P2RY12: variants seen among roughly 807,000 people sequenced by gnomAD.
P2RY12 encodes the protein purinergic receptor P2Y12, also known as P2Y purinoceptor 12.
In P2RY12, 3 loss-of-function variants were observed where a neutral mutation model predicts 4.5. The ratio of observed to expected loss-of-function variants is 0.67; its 90% confidence interval spans 0.31 to 1.74. The LOEUF (loss-of-function observed/expected upper bound fraction) is 1.74, where lower values mean the gene tolerates loss of function less well. Ranked by LOEUF, P2RY12 falls within the 40% of genes most tolerant of loss-of-function variation. P2RY12 has a pLI of 0.09. For synonymous variants in P2RY12, 148 were observed against 154.1 expected (o/e 0.96, Z 0.29); for missense variants, 356 against 407.8 (o/e 0.87, Z 1.09).
chr3:151,354,111 A>T (rs1335520420), intron 1 of P2RY12, among the ~76,000 whole-genome samples: 1 of 126,148 alleles, frequency 7.9e-6, no homozygotes, highest in Non-Finnish European at 1.6e-5. Context: ...ACTGCACTCC[A>T]GCCTGGGCGA....
At position 151,338,321 on chromosome 3, in the gene P2RY12, G is replaced by A; in HGVS notation, c.525C>T (p.Cys175=). The change falls in exon 3 of 3, where the codon TGC becomes TGT. Residue 175 remains cysteine, a synonymous_variant. Transcript: ENST00000302632. ...GACCGAACTCTGATTTAAGGAAAGAGCATTTCTTCACATTCTTGTCTCTCG... is the reference window on the plus strand; with the variant it reads ...GACCGAACTCTGATTTAAGGAAAGAACATTTCTTCACATTCTTGTCTCTCG... ...RQPRDKNVKK[C]SFLKSEFGLV... 6.2e-7 allele frequency: 1 copy of A among 1,614,106 alleles called. No homozygotes were observed. The highest frequency in any genetic ancestry group is 8.5e-7 in the Non-Finnish European group (1 of 1,180,002).
chr3:151,343,075 C>T (rs1752076163), intron 1 of P2RY12, among the ~76,000 whole-genome samples: 1 of 152,232 alleles, frequency 6.6e-6, no homozygotes, highest in Non-Finnish European at 1.5e-5. Flanking sequence ...ACCCTCTCCT[C>T]AACCCCTCTC....
intron 1 of P2RY12, among the ~76,000 whole-genome samples, chr3:151,381,268 A>T (rs1712290553): frequency 6.6e-6 from 1 of 152,150 alleles, no homozygotes; most frequent in Admixed American, 6.5e-5. Flanking sequence ...ACTTAATCTT[A>T]TTTGATCCTC....
intron 1 of P2RY12, among the ~76,000 whole-genome samples, chr3:151,353,706 G>A (rs1408653217): frequency 6.6e-6 from 1 of 152,188 alleles, no homozygotes; most frequent in Non-Finnish European, 1.5e-5. Context: ...ATATTTTTGA[G>A]TTCAGTGAAA....
In P2RY12 at chr3:151,380,310, A is replaced by G. The variant is rs575167765; in HGVS notation, c.-180+4382T>C. 5.4e-6 allele frequency: 5 copies of G among 920,720 alleles called. No homozygotes were observed. The East Asian group carries it at 1.2e-4, about 21-fold the overall frequency. The allele number at this position is 920,720 out of a possible 1,614,324, so 57.0% of individuals were successfully genotyped here. On this transcript the variant is annotated intron_variant, in intron 1 of 2. Transcript: ENST00000302632. Reference sequence around the variant, plus strand: ...CCTTTCAAATACTGAGATTAAATTAATAAGGGCCAGGTGTGGTGGCTCATG... The same window carrying G: ...CCTTTCAAATACTGAGATTAAATTAGTAAGGGCCAGGTGTGGTGGCTCATG...
chr3:151,365,301 C>T (rs1014575220), intron 1 of P2RY12: 53 of 1,001,806 alleles, frequency 5.3e-5, no homozygotes, highest in Non-Finnish European at 7.3e-5. Context: ...TCTGGACTCA[C>T]ATTTGGCTAT....
chr3:151,344,686 CT>C (rs1431622495), intron 1 of P2RY12, among the ~76,000 whole-genome samples: 1 of 152,118 alleles, frequency 6.6e-6, no homozygotes, highest in Non-Finnish European at 1.5e-5. Context: ...CATATTTTGT[CT>C]TATCAGAAGG....
At chr3:151,380,519 C>A (rs1210126645) in intron 1 of P2RY12, among the ~76,000 whole-genome samples, 4 of 150,662 alleles carry the variant, frequency 2.7e-5, no homozygotes, top group Non-Finnish European at 5.9e-5. Flanking sequence ...ATTGCTTGAA[C>A]CTGGGAGGCA....
At chr3:151,368,163 G>A (rs35291743) in intron 1 of P2RY12, 7 of 1,613,794 alleles carry the variant, frequency 4.3e-6, no homozygotes, top group Admixed American at 1.7e-5. Context: ...GTGGGGATGC[G>A]GACGCCGAGC....
chr3:151,337,664 A>G lies in P2RY12; in HGVS notation c.*153T>C, dbSNP rs1751192011. On this transcript the variant is annotated 3_prime_UTR_variant, in exon 3 of 3. Transcript: ENST00000302632. ...TTTAAGATAGCTTTTCATACTGGAA[A>G]GGTAAATGAAAATTGCTTTTGTAAT... The G allele has an allele frequency of 1.4e-6, 1 of 718,178 alleles. No homozygotes were observed. The highest frequency in any genetic ancestry group is 2.3e-6 in the Non-Finnish European group (1 of 442,300). The allele number at this position is 718,178 out of a possible 1,614,324, so 44.5% of individuals were successfully genotyped here. A position where few individuals can be genotyped will look rare whatever the true frequency, so the allele number is the denominator to read the frequency against.
intron 1 of P2RY12, among the ~76,000 whole-genome samples, chr3:151,361,703 G>A (rs1455810253): frequency 2.6e-5 from 4 of 152,120 alleles, no homozygotes; most frequent in Non-Finnish European, 4.4e-5. Context: ...TACTGTAAGT[G>A]TGAGAGACAA....
intron 1 of P2RY12, among the ~76,000 whole-genome samples, chr3:151,357,620 A>T (rs1754088616): frequency 6.6e-6 from 1 of 152,128 alleles, no homozygotes; most frequent in South Asian, 2.1e-4. Context: ...CCTGGTTTCT[A>T]AGTACAAAGC....
At chr3:151,376,090 T>C in intron 1 of P2RY12, 2 of 1,612,392 alleles carry the variant, frequency 1.2e-6, no homozygotes, top group Non-Finnish European at 1.7e-6. Context: ...GAACTTATAT[T>C]GGACCCTGTG....
intron 1 of P2RY12, among the ~76,000 whole-genome samples, chr3:151,381,035 A>G (rs1712236939): frequency 6.6e-6 from 1 of 152,244 alleles, no homozygotes; most frequent in Non-Finnish European, 1.5e-5. Flanking sequence ...CACCAAACAC[A>G]GTTCTCCTGG....
At chr3:151,383,854 A>C (rs1259791586) in intron 1 of P2RY12, 1 of 1,613,912 alleles carries the variant, frequency 6.2e-7, no homozygotes, top group South Asian at 1.1e-5. Context: ...CCTTCAGATC[A>C]TTACTTCAGG....
At chr3:151,341,364 C>T (rs573592055) in intron 1 of P2RY12, among the ~76,000 whole-genome samples, 5 of 152,050 alleles carry the variant, frequency 3.3e-5, no homozygotes, top group African/African-American at 4.8e-5. Context: ...TATACTGTGT[C>T]GTTCATGCTT....
At chr3:151,348,338 A>AC (rs1752785308) in intron 1 of P2RY12, among the ~76,000 whole-genome samples, 1 of 65,298 alleles carries the variant, frequency 1.5e-5, no homozygotes. Context: ...AAACCACCAG[A>AC]CCAAAAAAAA....
chr3:151,363,853 T>G (rs1021662398), intron 1 of P2RY12, among the ~76,000 whole-genome samples: 4 of 152,158 alleles, frequency 2.6e-5, no homozygotes, highest in African/African-American at 9.7e-5. Context: ...GAGCTGAAAC[T>G]ACATTTTGGT....
At chr3:151,367,531 G>C (rs1755433937) in intron 1 of P2RY12, 4 of 878,246 alleles carry the variant, frequency 4.6e-6, no homozygotes, top group Non-Finnish European at 6.7e-6. Flanking sequence ...CCCTCTGCTG[G>C]TTCATGTTGG....
Sources: gnomAD v4.1 joint callset for allele counts (sites outside exome capture counted in the v4.1 genomes callset) on GRCh38, gnomAD v4.1.1 for gene constraint, MANE v1.5 for transcripts, NCBI Gene and HGNC (gene_info 2026-07-23, HGNC 2026-07-21) for gene names.